Variants in CACHD1 observed in about 807,000 individuals in gnomAD.
The protein encoded by CACHD1 is cache domain containing 1.
Under a neutral mutation model 138.7 loss-of-function variants are expected in CACHD1, and 71 were observed. That is an observed-to-expected ratio of 0.51 (90% CI 0.42 to 0.62). The LOEUF is 0.62. Ranked by LOEUF, CACHD1 falls within the 20% of genes least tolerant of loss-of-function variation. CACHD1 has a pLI of 0.00. For synonymous variants in CACHD1, 578 were observed against 591.5 expected (o/e 0.98, Z 0.33); for missense variants, 1,389 against 1,625.3 (o/e 0.85, Z 2.50).
At chr1:64,493,069 G>A (rs893454027) in intron 1 of CACHD1, among the ~76,000 whole-genome samples, 9 of 152,338 alleles carry the variant, frequency 5.9e-5, no homozygotes, top group African/African-American at 2.2e-4. Context: ...TTGTAACACG[G>A]GAGTTGTTAA....
chr1:64,483,564 C>A (rs968575424), intron 1 of CACHD1, among the ~76,000 whole-genome samples: 1 of 150,992 alleles, frequency 6.6e-6, no homozygotes, highest in African/African-American at 2.4e-5. Flanking sequence ...GCAGGCTGGG[C>A]TGGGTGTGGT....
intron 4 of CACHD1, among the ~76,000 whole-genome samples, chr1:64,623,276 C>T (rs1180259732): frequency 6.6e-6 from 1 of 151,876 alleles, no homozygotes; most frequent in Non-Finnish European, 1.5e-5. Context: ...GTGACGGGTA[C>T]CTATAATCCC....
chr1:64,522,880 G>A lies in CACHD1; in HGVS notation c.199-27714G>A, dbSNP rs185617593. 3.3e-3 allele frequency among the ~76,000 whole-genome samples: 504 copies of A among 152,286 alleles called. 5 individuals carry two copies. Among genetic ancestry groups the A allele is most frequent in the African/African-American group, 0.012 (494 of 41,546 alleles). On this transcript the variant is annotated intron_variant, in intron 1 of 26. Coordinates refer to ENST00000651257, the MANE Select transcript of CACHD1 (RefSeq NM_020925.4). ...TTATTCTGGTGTGGTATCCCTTCCA[G>A]GTGAAAGAACATTGCATCTTGGCTG...
intron 26 of CACHD1, among the ~76,000 whole-genome samples, chr1:64,684,363 C>CTTTT (rs397980387): frequency 3.6e-3 from 200 of 54,882 alleles, no homozygotes; most frequent in Middle Eastern, 0.02. Flanking sequence ...TCTTCTTCTT[C>CTTTT]TTTTTTTTTT....
intron 8 of CACHD1, among the ~76,000 whole-genome samples, chr1:64,646,646 C>T (rs1401385288): frequency 6.6e-6 from 1 of 152,010 alleles, no homozygotes; most frequent in Admixed American, 6.5e-5. Context: ...GCATGAGAAT[C>T]GCTTGAACCC....
chr1:64,601,284 A>G (rs1647211080), intron 3 of CACHD1, among the ~76,000 whole-genome samples: 1 of 152,200 alleles, frequency 6.6e-6, no homozygotes, highest in Admixed American at 6.5e-5. Flanking sequence ...GTGGCTAGCT[A>G]TAGCATAGAG....
intron 1 of CACHD1, among the ~76,000 whole-genome samples, chr1:64,504,053 G>A (rs559016195): frequency 1.3e-5 from 2 of 152,234 alleles, no homozygotes; most frequent in South Asian, 2.1e-4. Context: ...TTTTGAGACA[G>A]GGTCTCACTC....
intron 26 of CACHD1, among the ~76,000 whole-genome samples, chr1:64,683,906 T>C (rs1227556855): frequency 6.6e-6 from 1 of 152,230 alleles, no homozygotes; most frequent in East Asian, 1.9e-4. Flanking sequence ...ATACACCCAT[T>C]AAACAAGGAA....
At chr1:64,515,373 A>G (rs305569) in intron 1 of CACHD1, among the ~76,000 whole-genome samples, 136,624 of 152,202 alleles carry the variant, frequency 0.9, 61,484 homozygotes, top group East Asian at 0.98. Flanking sequence ...TGTGCAAGAG[A>G]CTGAATTTAA....
At chr1:64,569,668 C>G (rs1034149997) in intron 2 of CACHD1, among the ~76,000 whole-genome samples, 2 of 152,134 alleles carry the variant, frequency 1.3e-5, no homozygotes, top group Admixed American at 6.6e-5. Flanking sequence ...GTTACGTAAG[C>G]AGCCATTAGT....
In CACHD1 at chr1:64,652,946, A is replaced by G. The variant is rs116802817; in HGVS notation, c.1540+636A>G. On this transcript the variant is annotated intron_variant, in intron 10 of 26. Coordinates refer to ENST00000651257, the MANE Select transcript of CACHD1 (RefSeq NM_020925.4). Reference sequence around the variant, plus strand: ...ATCGTTCTCTCATAAAGACACCTGTATGTTCATTGCAGTGCTATTCACAAT... The same window carrying G: ...ATCGTTCTCTCATAAAGACACCTGTGTGTTCATTGCAGTGCTATTCACAAT... 3.6e-3 allele frequency among the ~76,000 whole-genome samples: 543 copies of G among 152,310 alleles called. 1 individual carries two copies. The highest frequency in any genetic ancestry group is 0.013 in the African/African-American group (530 of 41,574).
At chr1:64,497,261 G>A (rs1324090443) in intron 1 of CACHD1, among the ~76,000 whole-genome samples, 4 of 152,070 alleles carry the variant, frequency 2.6e-5, no homozygotes, top group Admixed American at 6.6e-5. Context: ...CCAGTCACTC[G>A]GCTAACATTT....
intron 26 of CACHD1, among the ~76,000 whole-genome samples, chr1:64,688,652 G>T (rs1261849813): frequency 6.6e-6 from 1 of 151,952 alleles, no homozygotes; most frequent in African/African-American, 2.4e-5. Flanking sequence ...CTTCTGTCCA[G>T]CCTCCCCATT....
intron 2 of CACHD1, 64 bp from the exon 3 acceptor site, chr1:64,582,092 G>GA (rs1375761432): frequency 7.8e-5 from 122 of 1,559,488 alleles, no homozygotes; most frequent in Non-Finnish European, 1.0e-4. Context: ...TAGTTTATTA[G>GA]AAAAAAATAC....
At chr1:64,654,525 T>C (rs1009710982) in intron 11 of CACHD1, among the ~76,000 whole-genome samples, 161 bp from the exon 12 acceptor site, 1 of 152,242 alleles carries the variant, frequency 6.6e-6, no homozygotes, top group African/African-American at 2.4e-5. Context: ...ATAATGCTTT[T>C]ACGCAATTGA....
intron 6 of CACHD1, 33 bp from the exon 7 acceptor site, chr1:64,634,011 T>C: frequency 6.7e-7 from 1 of 1,497,766 alleles, no homozygotes; most frequent in Admixed American, 1.9e-5. Flanking sequence ...GGATAACAAG[T>C]TTGGTGGTTT....
At chr1:64,554,974 C>T (rs1646785705) in intron 2 of CACHD1, among the ~76,000 whole-genome samples, 2 of 152,190 alleles carry the variant, frequency 1.3e-5, no homozygotes, top group South Asian at 4.1e-4. Flanking sequence ...GTCTTTTCAT[C>T]TCATTTTATT....
Position 64,634,029 on chromosome 1 carries a change from T to C in CACHD1, c.790-15T>C. 1 of 1,573,380 alleles carries C rather than the reference T, an allele frequency of 6.4e-7. No homozygotes were observed. Among genetic ancestry groups the C allele is most frequent in the Non-Finnish European group, 8.6e-7 (1 of 1,161,592 alleles). On this transcript the variant is annotated splice_polypyrimidine_tract_variant and intron_variant, in intron 6 of 26. Transcript: ENST00000651257. ...TAACAAGTTTGGTGGTTTTTTTTTT[T>C]TTTCTTTCCTGCAGATTTCTGTGTT...
At chr1:64,559,407 C>T (rs1400964946) in intron 2 of CACHD1, among the ~76,000 whole-genome samples, 2 of 152,136 alleles carry the variant, frequency 1.3e-5, no homozygotes, top group African/African-American at 4.8e-5. Context: ...AAACCAAATA[C>T]TGTATGTTCT....
Sources: allele counts gnomAD v4.1 joint callset (sites outside exome capture counted in the v4.1 genomes callset), GRCh38; gene constraint gnomAD v4.1.1; transcripts MANE v1.5; gene names NCBI Gene and HGNC (gene_info 2026-07-23, HGNC 2026-07-21).